The following DENND2B variants were observed in gnomAD, a reference collection of about 807,000 sequenced individuals.
DENND2B encodes DENN domain containing 2B, also known as DENN domain-containing protein 2B.
DENND2B carries 32 observed loss-of-function variants against 116.0 expected under a neutral mutation model. That is an observed-to-expected ratio of 0.28 (90% CI 0.21 to 0.37). The LOEUF (loss-of-function observed/expected upper bound fraction) is 0.37, where lower values mean the gene tolerates loss of function less well. Ranked by LOEUF, DENND2B falls within the 10% of genes least tolerant of loss-of-function variation. The pLI is 1.00. For synonymous variants in DENND2B, 588 were observed against 583.9 expected (o/e 1.01, Z -0.10); for missense variants, 1,276 against 1,477.7 (o/e 0.86, Z 2.24).
intron 1 of DENND2B, among the ~76,000 whole-genome samples, chr11:8,807,332 G>T (rs2134465704): frequency 6.6e-6 from 1 of 152,324 alleles, no homozygotes. Flanking sequence ...CCATCTCCCT[G>T]AGGTGCCAGG....
intron 4 of DENND2B, chr11:8,718,096 A>AACCCCCCCCCCCCCCCC: frequency 3.1e-5 from 2 of 65,006 alleles, no homozygotes; most frequent in Non-Finnish European, 2.9e-5. Flanking sequence ...AAGCAGACCC[A>AACCCCCCCCCCCCCCCC]CCCCCCCACC....
intron 4 of DENND2B, chr11:8,831,893 C>T (rs565868562): frequency 6.6e-6 from 1 of 152,016 alleles, no homozygotes; most frequent in African/African-American, 2.4e-5. Context: ...GATGGTAATG[C>T]CTTCAGGGGC....
At chr11:8,801,096 T>C (rs1565978414) in intron 1 of DENND2B, among the ~76,000 whole-genome samples, 4 of 151,630 alleles carry the variant, frequency 2.6e-5, no homozygotes. Context: ...CAATTCCCAT[T>C]CTGCTCTTTG....
At chr11:8,820,903 C>T (rs548456606) in intron 4 of DENND2B, among the ~76,000 whole-genome samples, 57 of 152,200 alleles carry the variant, frequency 3.7e-4, no homozygotes, top group African/African-American at 1.3e-3. Flanking sequence ...AGGTGGATCA[C>T]TTGAGGTCAG....
At chr11:8,836,130 G>T (rs1284342873) in intron 4 of DENND2B, among the ~76,000 whole-genome samples, 1 of 150,166 alleles carries the variant, frequency 6.7e-6, no homozygotes, top group Non-Finnish European at 1.5e-5. Flanking sequence ...GGTGGATCAG[G>T]AGGTCAGAAT....
chr11:8,846,935 T>C (rs2062835910), intron 3 of DENND2B, among the ~76,000 whole-genome samples: 1 of 152,248 alleles, frequency 6.6e-6, no homozygotes, highest in Non-Finnish European at 1.5e-5. Flanking sequence ...CTCAATGCTT[T>C]ACTGTGCGGG....
intron 2 of DENND2B, among the ~76,000 whole-genome samples, chr11:8,858,142 T>C (rs1566058886): frequency 6.6e-6 from 1 of 152,192 alleles, no homozygotes; most frequent in Non-Finnish European, 1.5e-5. Flanking sequence ...GTACCTCCCT[T>C]TCCTCTCCAC....
chr11:8,746,875 AC>A (rs2051359889), intron 2 of DENND2B, among the ~76,000 whole-genome samples: 1 of 152,114 alleles, frequency 6.6e-6, no homozygotes, highest in African/African-American at 2.4e-5. Context: ...AGGCTTGAGT[AC>A]CTCTTCCTAC....
At chr11:8,757,100 C>A (rs527888298) in intron 1 of DENND2B, 1 of 456,244 alleles carries the variant, frequency 2.2e-6, no homozygotes, top group East Asian at 6.9e-5. Context: ...TCGCAGGCCC[C>A]GAGGGGCAGT....
intron 2 of DENND2B, among the ~76,000 whole-genome samples, chr11:8,866,860 T>C (rs1167095298): frequency 1.3e-5 from 2 of 152,220 alleles, no homozygotes; most frequent in Non-Finnish European, 2.9e-5. Flanking sequence ...GTAGAGGTCC[T>C]GGTGATAATT....
chr11:8,743,002 T>C (rs1355535927), intron 2 of DENND2B, among the ~76,000 whole-genome samples: 1 of 151,748 alleles, frequency 6.6e-6, no homozygotes, highest in Non-Finnish European at 1.5e-5. Flanking sequence ...AGGCGGAGGT[T>C]GCAGTGAGAT....
intron 2 of DENND2B, among the ~76,000 whole-genome samples, chr11:8,746,123 G>C (rs540055757): frequency 0.018 from 1,605 of 88,268 alleles, 14 homozygotes; most frequent in Non-Finnish European, 0.03. Flanking sequence ...CCTCCTAAGG[G>C]GGGCCTGCCA....
At chr11:8,781,534 G>A (rs1288933122) in intron 1 of DENND2B, among the ~76,000 whole-genome samples, 1 of 152,128 alleles carries the variant, frequency 6.6e-6, no homozygotes, top group African/African-American at 2.4e-5. Flanking sequence ...GAGTCAGGCA[G>A]GGTGTGGCAA....
At chr11:8,861,929 T>C (rs1178744858) in intron 2 of DENND2B, among the ~76,000 whole-genome samples, 1 of 151,880 alleles carries the variant, frequency 6.6e-6, no homozygotes, top group Non-Finnish European at 1.5e-5. Context: ...AACACAGGAA[T>C]GCAAAACCAA....
At chr11:8,697,821 G>A in intron 16 of DENND2B, 185 bp from the exon 17 acceptor site, 1 of 606,790 alleles carries the variant, frequency 1.6e-6, no homozygotes, top group South Asian at 1.9e-5. Context: ...ACTTGCCCAA[G>A]ATTACAGAGA....
intron 2 of DENND2B, among the ~76,000 whole-genome samples, chr11:8,861,066 A>G (rs1387950245): frequency 6.6e-6 from 1 of 152,170 alleles, no homozygotes; most frequent in African/African-American, 2.4e-5. Flanking sequence ...GATCTAAGAC[A>G]TGAAACCATA....
chr11:8,797,728 G>A (rs1157927409), intron 1 of DENND2B, among the ~76,000 whole-genome samples: 1 of 152,026 alleles, frequency 6.6e-6, no homozygotes, highest in Non-Finnish European at 1.5e-5. Context: ...GGGGTTACAG[G>A]CATGAGCCAC....
In DENND2B at chr11:8,763,643, A is replaced by C. The variant is rs561294414; in HGVS notation, c.-25-12918T>G. Reference sequence around the variant, plus strand: ...AGAAACCAAGAATACATACTAGATGAGCCTATTTATAGAAAACAATAAAAC... The same window carrying C: ...AGAAACCAAGAATACATACTAGATGCGCCTATTTATAGAAAACAATAAAAC... On this transcript the variant is annotated intron_variant, in intron 1 of 19. Coordinates refer to ENST00000313726, the MANE Select transcript of DENND2B (RefSeq NM_213618.2). 8.3e-4 allele frequency among the ~76,000 whole-genome samples: 125 copies of C among 150,124 alleles called. 1 individual carries two copies. Among genetic ancestry groups the C allele is most frequent in the African/African-American group, 2.8e-3 (115 of 40,736 alleles).
At chr11:8,792,456 T>C (rs920314300) in intron 1 of DENND2B, among the ~76,000 whole-genome samples, 2 of 151,922 alleles carry the variant, frequency 1.3e-5, no homozygotes, top group East Asian at 1.9e-4. Context: ...ATGTAAAACA[T>C]GTGAAAGGCA....
Sources: allele counts gnomAD v4.1 joint callset (sites outside exome capture counted in the v4.1 genomes callset), GRCh38; gene constraint gnomAD v4.1.1; transcripts MANE v1.5; gene names NCBI Gene and HGNC (gene_info 2026-07-23, HGNC 2026-07-21).